Variants in PLCH1 observed in about 807,000 individuals in gnomAD.
The protein encoded by PLCH1 is 1-phosphatidylinositol 4,5-bisphosphate phosphodiesterase eta-1.
PLCH1 carries 60 observed loss-of-function variants against 126.7 expected under a neutral mutation model. The observed-to-expected ratio is 0.47, with a 90% CI of 0.38 to 0.59. The LOEUF is 0.59. Ranked by LOEUF, PLCH1 falls within the 20% of genes least tolerant of loss-of-function variation. The pLI is 0.00. For missense variants in PLCH1, 1,723 were observed against 2,040.0 expected, an observed-to-expected ratio of 0.84 and a Z score of 2.99; for synonymous variants, 719 against 734.9, an observed-to-expected ratio of 0.98 and a Z score of 0.35.
intron 2 of PLCH1, among the ~76,000 whole-genome samples, chr3:155,626,626 G>A (rs139762738): frequency 0.011 from 1,726 of 151,776 alleles, 35 homozygotes; most frequent in East Asian, 0.032. Flanking sequence ...AAAATTAGCC[G>A]GGCGTGGTGG....
chr3:155,709,221 T>C (rs1038627424), intron 1 of PLCH1, among the ~76,000 whole-genome samples: 12 of 152,252 alleles, frequency 7.9e-5, no homozygotes, highest in African/African-American at 2.9e-4. Flanking sequence ...TTGAAATTTA[T>C]AAATACAGAT....
intron 1 of PLCH1, among the ~76,000 whole-genome samples, chr3:155,713,483 A>G (rs1173598140): frequency 6.6e-6 from 1 of 152,198 alleles, no homozygotes; most frequent in Non-Finnish European, 1.5e-5. Context: ...GCAAGATATC[A>G]TGGTAAAAAC....
chr3:155,502,935 C>T (rs1371609624), intron 13 of PLCH1, among the ~76,000 whole-genome samples: 1 of 152,220 alleles, frequency 6.6e-6, no homozygotes, highest in African/African-American at 2.4e-5. Flanking sequence ...CTAAATATGA[C>T]ATTCCTTAAA....
At chr3:155,703,916 C>T (rs942998557) in intron 2 of PLCH1, among the ~76,000 whole-genome samples, 7 of 152,104 alleles carry the variant, frequency 4.6e-5, no homozygotes, top group African/African-American at 9.7e-5. Flanking sequence ...AACTACCCTA[C>T]GAAATAGAAA....
intron 2 of PLCH1, among the ~76,000 whole-genome samples, chr3:155,652,471 G>T (rs1376339639): frequency 6.6e-6 from 1 of 152,132 alleles, no homozygotes; most frequent in Non-Finnish European, 1.5e-5. Flanking sequence ...AGAACTTTCT[G>T]TTTTGTTTTT....
At chr3:155,628,169 A>G (rs1250648180) in intron 2 of PLCH1, among the ~76,000 whole-genome samples, 1 of 152,028 alleles carries the variant, frequency 6.6e-6, no homozygotes, top group African/African-American at 2.4e-5. Flanking sequence ...CACTATATAA[A>G]AAGGGGTTCA....
chr3:155,743,531 C>G (rs1749771005), intron 1 of PLCH1: 1 of 449,000 alleles, frequency 2.2e-6, no homozygotes, highest in South Asian at 1.6e-5. Flanking sequence ...GACTCCGTCT[C>G]AAAAAAGAAA....
Position 155,514,721 on chromosome 3 carries a change from AC to A in PLCH1, c.1632+1del. 1 of 1,525,902 alleles carries A rather than the reference AC, an allele frequency of 6.6e-7. No homozygotes were observed. The allele number at this position is 1,525,902 out of a possible 1,614,324, so 94.5% of individuals were successfully genotyped here. A position where few individuals can be genotyped will look rare whatever the true frequency, so the allele number is the denominator to read the frequency against. On this transcript the variant is annotated splice_donor_variant, in intron 12 of 22. Coordinates refer to ENST00000460012, the MANE Select transcript of PLCH1 (RefSeq NM_014996.4). LOFTEE classifies it high-confidence loss of function. ...GGATAAGTACAAGAGGGAATCAGATACCTGCTTCAGGTGTGCATTTAAGCCT... is the reference window on the plus strand; with the variant it reads ...GGATAAGTACAAGAGGGAATCAGATACTGCTTCAGGTGTGCATTTAAGCCT...
chr3:155,669,996 A>C (rs1743242551), intron 2 of PLCH1, among the ~76,000 whole-genome samples: 1 of 152,260 alleles, frequency 6.6e-6, no homozygotes, highest in African/African-American at 2.4e-5. Context: ...CTGGAAAGAC[A>C]CAAATCCACA....
chr3:155,458,073 G>A (rs1291746318), intron 21 of PLCH1, among the ~76,000 whole-genome samples: 1 of 152,100 alleles, frequency 6.6e-6, no homozygotes, highest in Non-Finnish European at 1.5e-5. Flanking sequence ...CGGGGACAGT[G>A]TCTCATGCCT....
At chr3:155,729,114 A>G (rs1468915271) in intron 1 of PLCH1, among the ~76,000 whole-genome samples, 3 of 152,218 alleles carry the variant, frequency 2.0e-5, no homozygotes, top group African/African-American at 4.8e-5. Flanking sequence ...ATACATAAGG[A>G]TGTCCAAAAT....
intron 9 of PLCH1, among the ~76,000 whole-genome samples, chr3:155,552,578 AGTT>A (rs1726292185): frequency 6.6e-6 from 1 of 152,116 alleles, no homozygotes; most frequent in South Asian, 2.1e-4. Context: ...AAGAGTGGGG[AGTT>A]GAGAAAGAGC....
intron 4 of PLCH1, among the ~76,000 whole-genome samples, chr3:155,588,121 G>T (rs1430384915): frequency 5.9e-5 from 9 of 152,122 alleles, no homozygotes; most frequent in Admixed American, 5.9e-4. Context: ...GAAAGGTAAG[G>T]TATTATGTCT....
chr3:155,673,680 T>C (rs1743784756), intron 2 of PLCH1, among the ~76,000 whole-genome samples: 1 of 152,220 alleles, frequency 6.6e-6, no homozygotes, highest in African/African-American at 2.4e-5. Flanking sequence ...TCCCTATGAC[T>C]ATTTTTTCTT....
chr3:155,678,557 C>T (rs1040764276), intron 2 of PLCH1, among the ~76,000 whole-genome samples: 5 of 152,162 alleles, frequency 3.3e-5, no homozygotes, highest in Admixed American at 6.5e-5. Context: ...TTATAAACAC[C>T]TATCCTGAAG....
At chr3:155,663,588 T>C (rs1465254143) in intron 2 of PLCH1, among the ~76,000 whole-genome samples, 3 of 152,204 alleles carry the variant, frequency 2.0e-5, no homozygotes, top group African/African-American at 7.2e-5. Flanking sequence ...CTCTCAAAAG[T>C]AGGAAACATT....
chr3:155,619,392 T>A (rs62287281), intron 2 of PLCH1, among the ~76,000 whole-genome samples: 3 of 150,896 alleles, frequency 2.0e-5, no homozygotes, highest in Non-Finnish European at 2.9e-5. Context: ...TATTCCATAC[T>A]CCAACAAATT....
At chr3:155,726,431 T>C (rs527470701) in intron 1 of PLCH1, among the ~76,000 whole-genome samples, 1 of 152,320 alleles carries the variant, frequency 6.6e-6, no homozygotes, top group African/African-American at 2.4e-5. Context: ...ATTGTTACAT[T>C]GTCAGGATAA....
At chr3:155,627,728 G>T (rs897282284) in intron 2 of PLCH1, among the ~76,000 whole-genome samples, 1 of 149,426 alleles carries the variant, frequency 6.7e-6, no homozygotes, top group African/African-American at 2.5e-5. Flanking sequence ...TGATTAAAAA[G>T]AATATCATAA....
Sources: allele counts gnomAD v4.1 joint callset (sites outside exome capture counted in the v4.1 genomes callset), GRCh38; gene constraint gnomAD v4.1.1; transcripts MANE v1.5; gene names NCBI Gene and HGNC (gene_info 2026-07-23, HGNC 2026-07-21).